Variants in DGKG observed in about 807,000 individuals in gnomAD.
DGKG encodes DAG kinase gamma.
Under a neutral mutation model 105.3 loss-of-function variants are expected in DGKG, and 78 were observed. The ratio of observed to expected loss-of-function variants is 0.74; its 90% CI spans 0.62 to 0.89. The LOEUF is 0.89. Ranked by LOEUF, DGKG falls within the 40% of genes least tolerant of loss-of-function variation. The pLI, the probability that DGKG is intolerant of heterozygous loss-of-function variation, is 0.00. For synonymous variants in DGKG, 346 were observed against 367.1 expected, an observed-to-expected ratio of 0.94 and a Z score of 0.66; for missense variants, 958 against 1,020.1, an observed-to-expected ratio of 0.94 and a Z score of 0.83.
chr3:186,150,563 C>G (rs888222856), intron 24 of DGKG, among the ~76,000 whole-genome samples: 1 of 152,190 alleles, frequency 6.6e-6, no homozygotes, highest in African/African-American at 2.4e-5. Flanking sequence ...AACAGAGCAG[C>G]AGCACAATTA....
intron 1 of DGKG, among the ~76,000 whole-genome samples, chr3:186,335,230 C>A (rs1725775868): frequency 6.6e-6 from 1 of 152,014 alleles, no homozygotes; most frequent in Non-Finnish European, 1.5e-5. Context: ...TACTACTGCA[C>A]CTGGCTAATT....
intron 3 of DGKG, among the ~76,000 whole-genome samples, chr3:186,301,613 C>T (rs141363212): frequency 1.3e-5 from 2 of 152,264 alleles, no homozygotes; most frequent in African/African-American, 2.4e-5. Flanking sequence ...GGTGACAGAG[C>T]GAGACTCCGT....
At chr3:186,322,346 A>C (rs1725119328) in intron 1 of DGKG, among the ~76,000 whole-genome samples, 1 of 152,202 alleles carries the variant, frequency 6.6e-6, no homozygotes, top group Admixed American at 6.5e-5. Flanking sequence ...GATACAGCAC[A>C]TCTTCACTTA....
Position 186,149,779 on chromosome 3 carries a change from T to G in DGKG, c.*311A>C. 1 of 1,082,342 alleles carries G rather than the reference T, an allele frequency of 9.2e-7. No homozygotes were observed. The highest frequency in any genetic ancestry group is 1.1e-6 in the Non-Finnish European group (1 of 891,560). 67.0% of individuals were successfully genotyped at this position (1,082,342 alleles called of 1,614,324 possible). On this transcript the variant is annotated 3_prime_UTR_variant, in exon 25 of 25. Transcript: ENST00000265022. ...AAGAAAGGGGGATTTCCCTTCAGTC[T>G]CAGAAAATTCTGCTCAAGGCCTGTG...
intron 19 of DGKG, among the ~76,000 whole-genome samples, chr3:186,248,970 A>G (rs1472507189): frequency 1.3e-5 from 2 of 152,222 alleles, no homozygotes. Context: ...GGAAAAAGAC[A>G]TATGAGTTTT....
At chr3:186,243,131 A>G (rs1040891563) in intron 19 of DGKG, among the ~76,000 whole-genome samples, 6 of 151,860 alleles carry the variant, frequency 4.0e-5, no homozygotes, top group Non-Finnish European at 5.9e-5. Flanking sequence ...ACATTGGTAG[A>G]TGCTATTAGA....
intron 1 of DGKG, among the ~76,000 whole-genome samples, chr3:186,352,705 C>T (rs995966905): frequency 2.6e-5 from 4 of 152,184 alleles, no homozygotes; most frequent in Non-Finnish European, 5.9e-5. Context: ...CAAGTTCTTT[C>T]CTGGTTCTGT....
Position 186,209,420 on chromosome 3 carries a change from C to T in DGKG, c.1917+2375G>A, listed in dbSNP as rs543356518. 2.6e-5 allele frequency among the ~76,000 whole-genome samples: 4 copies of T among 152,212 alleles called. No homozygotes were observed. In the East Asian group the frequency reaches 7.7e-4, roughly 29 times the overall value. ...CCTGGCCTAGTTTACCCTTCTAAAT[C>T]TCTGTGCCTCAGCTTGCTTCCCCAT... On this transcript the variant is annotated intron_variant, in intron 21 of 24. Coordinates refer to ENST00000265022, the MANE Select transcript of DGKG (RefSeq NM_001346.3).
rs1327972169 is a variant in DGKG, at chr3:186,298,150, A to G, written c.224T>C (p.Leu75Pro). Residue 75 changes from leucine (L) to proline (P), a missense_variant, in exon 4 of 25, where the codon CTC becomes CCC. Around this residue, in one of 2 missense-constraint regions of DGKG, gnomAD observed 643 missense variants for 619.5 expected, o/e 1.04. Transcript: ENST00000265022. ...VDLPQPLSTHLFLAFSQKPRH... is the reference protein window; with the variant it reads ...VDLPQPLSTHPFLAFSQKPRH... Reference sequence around the variant, plus strand: ...GGGCTTCTGGCTGAAGGCCAGGAAGAGGTGAGTGCTCAGTGGCTGGGGAAG... The same window carrying G: ...GGGCTTCTGGCTGAAGGCCAGGAAGGGGTGAGTGCTCAGTGGCTGGGGAAG... 1 of 1,613,996 alleles carries G rather than the reference A, an allele frequency of 6.2e-7. No individual in the cohort carries two copies. Among genetic ancestry groups the G allele is most frequent in the Non-Finnish European group, 8.5e-7 (1 of 1,180,014 alleles).
intron 1 of DGKG, among the ~76,000 whole-genome samples, chr3:186,360,432 C>T (rs1337960256): frequency 1.3e-5 from 2 of 152,034 alleles, no homozygotes; most frequent in African/African-American, 4.8e-5. Context: ...GGAGTACGAC[C>T]GGGAAGTTGG....
intron 20 of DGKG, among the ~76,000 whole-genome samples, chr3:186,228,042 C>T (rs1038924263): frequency 6.6e-5 from 10 of 152,150 alleles, no homozygotes; most frequent in Admixed American, 3.9e-4. Context: ...ACATGTTAAA[C>T]TAACTTTAAA....
At chr3:186,342,899 G>C (rs751142469) in intron 1 of DGKG, among the ~76,000 whole-genome samples, 1 of 152,034 alleles carries the variant, frequency 6.6e-6, no homozygotes, top group Non-Finnish European at 1.5e-5. Context: ...GTGCCTGCAG[G>C]CTCACCCACA....
Position 186,240,379 on chromosome 3 carries a change from C to CT in DGKG, c.1826+2124dup, listed in dbSNP as rs1720625557. Among the ~76,000 whole-genome samples the CT allele has an allele frequency of 2.0e-5, 3 of 152,358 alleles. No individual in the cohort carries two copies. The South Asian group carries it at 6.2e-4, about 32-fold the overall frequency. On this transcript the variant is annotated intron_variant, in intron 20 of 24. Coordinates refer to ENST00000265022, the MANE Select transcript of DGKG (RefSeq NM_001346.3). ...CAGGCTGTGAGTCCCCTACATGCGT[C>CT]TGTCCAAAATGCCTGTAGAACAGTG...
intron 2 of DGKG, among the ~76,000 whole-genome samples, chr3:186,316,992 T>C (rs1190764920): frequency 6.6e-6 from 1 of 152,208 alleles, no homozygotes; most frequent in Non-Finnish European, 1.5e-5. Context: ...CGAACAACAG[T>C]AGCAGAGTGC....
chr3:186,318,581 T>TG (rs34961949), intron 2 of DGKG, among the ~76,000 whole-genome samples: 2 of 152,010 alleles, frequency 1.3e-5, no homozygotes, highest in African/African-American at 4.8e-5. Flanking sequence ...CATGACCGAA[T>TG]GGGGGGATCC....
chr3:186,164,461 A>G (rs1716440058), intron 23 of DGKG, among the ~76,000 whole-genome samples: 1 of 152,224 alleles, frequency 6.6e-6, no homozygotes, highest in Non-Finnish European at 1.5e-5. Flanking sequence ...ACAAAGGTGT[A>G]TAGGAAATAG....
intron 2 of DGKG, among the ~76,000 whole-genome samples, chr3:186,317,468 C>G (rs1207472008): frequency 6.6e-6 from 1 of 152,206 alleles, no homozygotes; most frequent in Non-Finnish European, 1.5e-5. Context: ...CAGGATTCCC[C>G]AGGATGGGGT....
At chr3:186,250,376 C>T (rs888381) in intron 19 of DGKG, among the ~76,000 whole-genome samples, 130,346 of 151,896 alleles carry the variant, frequency 0.86, 57,019 homozygotes, top group East Asian at 1. Flanking sequence ...TAATGGATGC[C>T]GGGCTTAGTA....
intron 2 of DGKG, among the ~76,000 whole-genome samples, chr3:186,309,913 A>C (rs1359843038): frequency 1.3e-5 from 2 of 152,154 alleles, no homozygotes; most frequent in African/African-American, 4.8e-5. Context: ...GGTTTTAATA[A>C]GAAAAAAATA....
Sources: allele counts gnomAD v4.1 joint callset (sites outside exome capture counted in the v4.1 genomes callset), GRCh38; gene constraint gnomAD v4.1.1; regional missense constraint gnomAD v4.1.1; transcripts MANE v1.5; gene names NCBI Gene and HGNC (gene_info 2026-07-23, HGNC 2026-07-21).